Variants in ANXA7 observed in about 807,000 individuals in gnomAD.
ANXA7 encodes annexin VII.
Under a neutral mutation model 64.9 loss-of-function variants are expected in ANXA7, and 55 were observed. The ratio of observed to expected loss-of-function variants is 0.85; its 90% CI spans 0.68 to 1.06. The LOEUF (loss-of-function observed/expected upper bound fraction) is 1.06, where lower values mean the gene tolerates loss of function less well. Among genes scored for constraint, ANXA7 ranks in the 50% least tolerant of loss-of-function variants. The pLI, the probability that ANXA7 is intolerant of heterozygous loss-of-function variation, is 0.00. For missense variants in ANXA7, 548 were observed against 582.1 expected, an observed-to-expected ratio of 0.94 and a Z score of 0.60; for synonymous variants, 200 against 192.4, an observed-to-expected ratio of 1.04 and a Z score of -0.33.
At chr10:73,413,575 T>C (rs1461060317) in intron 1 of ANXA7, among the ~76,000 whole-genome samples, 1 of 152,194 alleles carries the variant, frequency 6.6e-6, no homozygotes, top group African/African-American at 2.4e-5. Context: ...GTCCTACGGT[T>C]CACTAAACAC....
chr10:73,387,842 T>TAA, intron 6 of ANXA7, 59 bp from the exon 7 acceptor site: 1 of 956,852 alleles, frequency 1.0e-6, no homozygotes, highest in Non-Finnish European at 1.6e-6. Context: ...CTGCTTGAGG[T>TAA]CATCTTTTTT....
chr10:73,393,372 T>C (rs2055517018), intron 5 of ANXA7, among the ~76,000 whole-genome samples: 1 of 152,090 alleles, frequency 6.6e-6, no homozygotes, highest in South Asian at 2.1e-4. Flanking sequence ...AAAGTTCATA[T>C]GGAACCAAAA....
At chr10:73,403,056 C>G (rs1476653453) in intron 1 of ANXA7, among the ~76,000 whole-genome samples, 1 of 152,186 alleles carries the variant, frequency 6.6e-6, no homozygotes. Flanking sequence ...AACTACTGAC[C>G]TGGTGATCCA....
chr10:73,412,743 G>A (rs1013710484), intron 1 of ANXA7, among the ~76,000 whole-genome samples: 1 of 150,324 alleles, frequency 6.7e-6, no homozygotes, highest in Non-Finnish European at 1.5e-5. Flanking sequence ...TGAATCTCTC[G>A]CCTCGGCCTC....
Position 73,383,327 on chromosome 10 carries a change from G to A in ANXA7, c.766C>T (p.Arg256Cys), listed in dbSNP as rs775887772. ...GTGCACAAAATCTCAATCAATACAC[G>A]TTCCTGAGTTCCTGCTCCCTACATG... ...KAMQGAGTQERVLIEILCTRT... is the reference protein window; with the variant it reads ...KAMQGAGTQECVLIEILCTRT... The change falls in exon 9 of 13, where the codon CGT (arginine) becomes TGT (cysteine). Residue 256 changes from arginine (R) to cysteine (C), a missense_variant. Arg to Cys is a radical substitution (Grantham distance 180, BLOSUM62 -3). Coordinates refer to ENST00000372921, the MANE Select transcript of ANXA7 (RefSeq NM_001156.5). The A allele has an allele frequency of 1.9e-6, 3 of 1,612,910 alleles. No individual in the cohort carries two copies. The highest frequency in any genetic ancestry group is 3.3e-5 in the Admixed American group (2 of 59,916).
At chr10:73,390,004 A>T (rs2055442925) in intron 5 of ANXA7, among the ~76,000 whole-genome samples, 1 of 152,218 alleles carries the variant, frequency 6.6e-6, no homozygotes. Context: ...TTTTTAAAAA[A>T]ATTTTAATTG....
Position 73,378,865 on chromosome 10 carries a change from T to C in ANXA7, c.1278+46A>G, listed in dbSNP as rs1438898930. 2.1e-6 allele frequency: 3 copies of C among 1,425,534 alleles called. No homozygotes were observed. In the East Asian group the frequency reaches 6.9e-5, roughly 33 times the overall value. 88.3% of individuals were successfully genotyped at this position (1,425,534 alleles called of 1,614,324 possible). ...CTGGGGAACTTTTAAGAAATCAACATTGAACATCAAGTAAGACCCGACAAA... is the reference window on the plus strand; with the variant it reads ...CTGGGGAACTTTTAAGAAATCAACACTGAACATCAAGTAAGACCCGACAAA... On this transcript the variant is annotated intron_variant, in intron 12 of 12. Transcript: ENST00000372921.
At chr10:73,400,128 C>T (rs751235382) in intron 2 of ANXA7, among the ~76,000 whole-genome samples, 4 of 151,886 alleles carry the variant, frequency 2.6e-5, no homozygotes, top group South Asian at 2.1e-4. Context: ...GGGCGCACAG[C>T]GAGACTCCAT....
At chr10:73,379,804 C>T (rs751719638) in intron 11 of ANXA7, 75 bp downstream of exon 11, 14 of 1,390,848 alleles carry the variant, frequency 1.0e-5, no homozygotes, top group African/African-American at 5.7e-5. Flanking sequence ...ATATTATCAA[C>T]ATTTAATGGG....
At chr10:73,378,704 T>G (rs183547152) in intron 12 of ANXA7, among the ~76,000 whole-genome samples, 1 of 152,304 alleles carries the variant, frequency 6.6e-6, no homozygotes, top group South Asian at 2.1e-4. Context: ...TTATCTTCAT[T>G]AGGGTAGAGT....
chr10:73,404,194 G>A (rs552858577), intron 1 of ANXA7, among the ~76,000 whole-genome samples: 4 of 152,304 alleles, frequency 2.6e-5, no homozygotes, highest in Admixed American at 2.0e-4. Flanking sequence ...AGTGTGGTTA[G>A]TCTGAGATTA....
chr10:73,391,924 G>C (rs954816714), intron 5 of ANXA7, among the ~76,000 whole-genome samples: 4 of 152,020 alleles, frequency 2.6e-5, no homozygotes, highest in African/African-American at 9.7e-5. Flanking sequence ...AGCTTAAGGT[G>C]GTAATTGTTG....
At chr10:73,388,283 T>TA in intron 6 of ANXA7, 29 bp downstream of exon 6, 3 of 1,553,086 alleles carry the variant, frequency 1.9e-6, no homozygotes, top group African/African-American at 1.4e-5. Context: ...TTTAACTTAT[T>TA]AAAAAAGACA....
At chr10:73,405,042 G>A (rs1297014640) in intron 1 of ANXA7, among the ~76,000 whole-genome samples, 6 of 151,892 alleles carry the variant, frequency 4.0e-5, no homozygotes, top group East Asian at 1.9e-4. Flanking sequence ...AGGACATTGA[G>A]GCCATCCACG....
At chr10:73,402,414 C>T (rs935797130) in intron 1 of ANXA7, among the ~76,000 whole-genome samples, 1 of 151,872 alleles carries the variant, frequency 6.6e-6, no homozygotes, top group Admixed American at 6.6e-5. Context: ...ATTGCCCAGG[C>T]TGGTCTTGAA....
intron 5 of ANXA7, among the ~76,000 whole-genome samples, chr10:73,389,528 CA>C (rs1283536007): frequency 1.3e-5 from 2 of 152,166 alleles, no homozygotes; most frequent in African/African-American, 4.8e-5. Context: ...AGGGTATATA[CA>C]AATTATTTGT....
chr10:73,407,235 C>T (rs4402210), intron 1 of ANXA7, among the ~76,000 whole-genome samples: 3,693 of 152,178 alleles, frequency 0.024, 159 homozygotes, highest in African/African-American at 0.083. Flanking sequence ...CACTACCACA[C>T]CTGCTTAATT....
chr10:73,406,369 T>C (rs2055759110), intron 1 of ANXA7, among the ~76,000 whole-genome samples: 1 of 152,186 alleles, frequency 6.6e-6, no homozygotes. Context: ...CTAAAACTCC[T>C]CCTCTGTTTA....
intron 3 of ANXA7, 105 bp from the exon 4 acceptor site, chr10:73,397,379 G>A (rs2055593226): frequency 2.0e-6 from 1 of 493,094 alleles, no homozygotes; most frequent in Admixed American, 4.0e-5. Context: ...TGCTATTAAT[G>A]CTATAATAGC....
Sources: gnomAD v4.1 joint callset for allele counts (sites outside exome capture counted in the v4.1 genomes callset) on GRCh38, gnomAD v4.1.1 for gene constraint, MANE v1.5 for transcripts, NCBI Gene and HGNC (gene_info 2026-07-23, HGNC 2026-07-21) for gene names.